FBXL5: variants seen among roughly 807,000 people sequenced by gnomAD.
FBXL5 encodes F-box/LRR-repeat protein 5.
A neutral mutation model predicts 78.3 loss-of-function variants in FBXL5; 26 were observed. The ratio of observed to expected loss-of-function variants is 0.33; its 90% CI spans 0.24 to 0.46. The LOEUF (loss-of-function observed/expected upper bound fraction) is 0.46. Among genes scored for constraint, FBXL5 ranks in the 20% least tolerant of loss-of-function variants. The pLI, the probability that FBXL5 is intolerant of heterozygous loss-of-function variation, is 1.00. For missense variants in FBXL5, 710 were observed against 829.2 expected, an observed-to-expected ratio of 0.86 and a Z score of 1.77; for synonymous variants, 295 against 282.5, an observed-to-expected ratio of 1.04 and a Z score of -0.45.
intron 10 of FBXL5, among the ~76,000 whole-genome samples, chr4:15,608,403 T>C (rs147242498): frequency 6.6e-5 from 10 of 152,072 alleles, no homozygotes; most frequent in African/African-American, 2.2e-4. Context: ...CCTGGGTCAT[T>C]ATGCTCCTGA....
rs1401648936 is a variant in FBXL5, at chr4:15,605,070, A to T, written c.*653T>A. The T allele has an allele frequency of 6.6e-6, 1 of 152,646 alleles. No homozygotes were observed. The highest frequency in any genetic ancestry group is 1.5e-5 in the Non-Finnish European group (1 of 68,036). The allele number at this position is 152,646 out of a possible 1,614,324, so 9.5% of individuals were successfully genotyped here. On this transcript the variant is annotated 3_prime_UTR_variant, in exon 11 of 11. Coordinates refer to ENST00000341285, the MANE Select transcript of FBXL5 (RefSeq NM_012161.4). Reference sequence around the variant, plus strand: ...TTTCTTCAAATGATTGTGGTATTTTAAAAAATCTCTCCCAAATTTGATGAC... The same window carrying T: ...TTTCTTCAAATGATTGTGGTATTTTTAAAAATCTCTCCCAAATTTGATGAC...
At position 15,673,922 on chromosome 4, in the gene FBXL5, T is replaced by C. The variant is rs546097213; in HGVS notation, c.-284+7461A>G. ...ATCATAGGACTCACTTTGTTTCCTA[T>C]TGATCAAGGTTCACTGTCCTTCATT... On this transcript the variant is annotated intron_variant, in intron 1 of 4. Transcript: ENST00000507899. 8.5e-5 allele frequency among the ~76,000 whole-genome samples: 13 copies of C among 152,344 alleles called. No homozygotes were observed. The South Asian group carries it at 2.7e-3, about 32-fold the overall frequency.
chr4:15,659,165 T>A (rs4549375), upstream of FBXL5, among the ~76,000 whole-genome samples: 36,767 of 152,004 alleles, frequency 0.24, 4,695 homozygotes, highest in African/African-American at 0.28. Flanking sequence ...TTCTTAGCAG[T>A]TTTAAGTACC....
chr4:15,678,339 C>A (rs1277741865), intron 1 of FBXL5, among the ~76,000 whole-genome samples: 1 of 152,168 alleles, frequency 6.6e-6, no homozygotes, highest in Non-Finnish European at 1.5e-5. Flanking sequence ...CAATAACTTA[C>A]TCAGAATTTG....
intron 1 of FBXL5, among the ~76,000 whole-genome samples, chr4:15,673,976 T>A (rs1284284666): frequency 6.6e-6 from 1 of 152,228 alleles, no homozygotes; most frequent in African/African-American, 2.4e-5. Context: ...TGGAAAACAT[T>A]GTTTTATATA....
rs145381290 is a variant in FBXL5 at position 15,649,238 on chromosome 4, G to A, written c.85-4530C>T. Among the ~76,000 whole-genome samples the A allele has an allele frequency of 3.4e-3, 510 of 152,026 alleles. 2 individuals carry two copies. The highest frequency in any genetic ancestry group is 0.011 in the African/African-American group (471 of 41,502). On this transcript the variant is annotated intron_variant, in intron 1 of 10. Transcript: ENST00000341285. ...CTCAGTTTTTCTCCACATGAAAAGT[G>A]CAAACATTTTTAACCCGGTACCTAA...
intron 7 of FBXL5, 94 bp from the exon 8 acceptor site, chr4:15,627,049 CTT>C: frequency 1.8e-6 from 1 of 566,378 alleles, no homozygotes; most frequent in East Asian, 3.4e-5. Context: ...AGTTCACAAA[CTT>C]TTGTGAATAT....
chr4:15,632,308 TTACTGTAGCCTTG>T (rs1409427148), intron 5 of FBXL5, among the ~76,000 whole-genome samples: 8 of 152,226 alleles, frequency 5.3e-5, no homozygotes, highest in Admixed American at 3.9e-4. Context: ...GCTGTTTTGG[TTACTGTAGCCTTG>T]TAGTATAGTT....
At chr4:15,630,821 C>A (rs945522849) in intron 5 of FBXL5, 30 bp from the exon 6 acceptor site, 1 of 1,599,286 alleles carries the variant, frequency 6.3e-7, no homozygotes, top group African/African-American at 1.5e-5. Flanking sequence ...GTAAAAGGTT[C>A]AAAATAATAT....
chr4:15,626,927 T>A lies in FBXL5; in HGVS notation c.1070A>T (p.Asn357Ile), dbSNP rs1489914963. Reference protein sequence around the residue: ...MVRQILELCPNLEHLDLTQTD... With the variant: ...MVRQILELCPILEHLDLTQTD... ...CTGGGTAAGATCCAGATGCTCCAGG[T>A]TAGGACAAAGCTCTAAAATCTGCCT... The change falls in exon 8 of 11, where the codon AAC (asparagine) becomes ATC (isoleucine). Residue 357 changes from asparagine to isoleucine, a missense_variant. By Grantham distance (149) the Asn-to-Ile change is moderately radical. Around this residue, in one of 4 missense-constraint regions of FBXL5, gnomAD observed 517 missense variants for 542.9 expected, o/e 0.95. Transcript: ENST00000341285. 2.5e-6 allele frequency: 4 copies of A among 1,611,768 alleles called. No homozygotes were observed. Among genetic ancestry groups the A allele is most frequent in the African/African-American group, 1.3e-5 (1 of 74,882 alleles).
At chr4:15,680,606 G>A (rs892657770) in intron 1 of FBXL5, among the ~76,000 whole-genome samples, 10 of 152,078 alleles carry the variant, frequency 6.6e-5, no homozygotes, top group African/African-American at 2.4e-4. Context: ...GAACCAGGAG[G>A]CTGAGGTTGC....
chr4:15,614,957 G>A (rs919863361), intron 9 of FBXL5, among the ~76,000 whole-genome samples: 1 of 152,134 alleles, frequency 6.6e-6, no homozygotes, highest in Non-Finnish European at 1.5e-5. Context: ...GGCGCTTGCG[G>A]GCCAGCTGGA....
At chr4:15,680,122 A>G (rs940761766) in intron 1 of FBXL5, among the ~76,000 whole-genome samples, 1 of 152,178 alleles carries the variant, frequency 6.6e-6, no homozygotes, top group Non-Finnish European at 1.5e-5. Context: ...AACAGGAAAA[A>G]AAAAAACATG....
At chr4:15,681,267 CTA>C (rs1718249208) in intron 1 of FBXL5, 2 of 152,868 alleles carry the variant, frequency 1.3e-5, no homozygotes. Context: ...TCCACAAAGA[CTA>C]TGAAAATCAC....
At chr4:15,680,309 G>A (rs1306817483) in intron 1 of FBXL5, among the ~76,000 whole-genome samples, 2 of 152,158 alleles carry the variant, frequency 1.3e-5, no homozygotes, top group African/African-American at 4.8e-5. Context: ...GTTTCTTGCT[G>A]CATTTCTTTT....
chr4:15,610,012 C>A (rs533367299), intron 10 of FBXL5, among the ~76,000 whole-genome samples: 1 of 151,938 alleles, frequency 6.6e-6, no homozygotes, highest in African/African-American at 2.4e-5. Flanking sequence ...TTTAGCTAAA[C>A]GTCACTTTCA....
Position 15,635,823 on chromosome 4 carries a change from T to C in FBXL5, c.766+671A>G, listed in dbSNP as rs566850223. Reference sequence around the variant, plus strand: ...TTTTAACTCAGTGACAGAAAAAATGTATGCTATATTAGTTGTATTTAACCC... The same window carrying C: ...TTTTAACTCAGTGACAGAAAAAATGCATGCTATATTAGTTGTATTTAACCC... On this transcript the variant is annotated intron_variant, in intron 5 of 10. Transcript: ENST00000341285. Among the ~76,000 whole-genome samples the C allele has an allele frequency of 5.3e-5, 8 of 151,462 alleles. No homozygotes were observed. In the South Asian group the frequency reaches 1.7e-3, roughly 32 times the overall value.
chr4:15,642,439 T>C (rs1167242874), intron 2 of FBXL5, among the ~76,000 whole-genome samples: 1 of 152,098 alleles, frequency 6.6e-6, no homozygotes. Flanking sequence ...TTTCACCACA[T>C]TGGCCAGGCT....
chr4:15,644,489 T>C lies in FBXL5; in HGVS notation c.300+4A>G. 1 of 1,602,158 alleles carries C rather than the reference T, an allele frequency of 6.2e-7. No individual in the cohort carries two copies. Among genetic ancestry groups the C allele is most frequent in the South Asian group, 1.1e-5 (1 of 90,576 alleles). ...ACAGTTGAATATCCATTTTTGCAACTTACCTTAACATTCTTCAGTCCCTTT... is the reference window on the plus strand; with the variant it reads ...ACAGTTGAATATCCATTTTTGCAACCTACCTTAACATTCTTCAGTCCCTTT... On this transcript the variant is annotated splice_donor_region_variant and intron_variant, in intron 2 of 10. Transcript: ENST00000341285.
Sources: allele counts gnomAD v4.1 joint callset (sites outside exome capture counted in the v4.1 genomes callset), GRCh38; gene constraint gnomAD v4.1.1; regional missense constraint gnomAD v4.1.1; transcripts MANE v1.5; gene names NCBI Gene and HGNC (gene_info 2026-07-23, HGNC 2026-07-21).